KMT2E: variants seen among roughly 807,000 people sequenced by gnomAD.
KMT2E encodes the protein histone reader KMT2E.
KMT2E carries 30 observed loss-of-function variants against 184.6 expected under a neutral mutation model. The ratio of observed to expected loss-of-function variants is 0.16; its 90% CI spans 0.12 to 0.22. The LOEUF is 0.22. Ranked by LOEUF, KMT2E falls within the 10% of genes least tolerant of loss-of-function variation. The pLI, the probability that KMT2E is intolerant of heterozygous loss-of-function variation, is 1.00. For missense variants in KMT2E, 2,023 were observed against 2,237.4 expected (o/e 0.90, Z 1.93); for synonymous variants, 815 against 776.5 (o/e 1.05, Z -0.82).
Position 105,112,492 on chromosome 7 carries a change from A to T in KMT2E, c.4736A>T (p.Gln1579Leu). Residue 1579 changes from glutamine (Q) to leucine (L), a missense_variant, in exon 27 of 27, where the codon CAA (glutamine) becomes CTA (leucine). Gln to Leu is a moderately radical substitution (Grantham distance 113, BLOSUM62 -2). Coordinates refer to ENST00000311117, the MANE Select transcript of KMT2E (RefSeq NM_182931.3). The part of the protein sequence containing the change: ...YNQLKGSLSQ[Q>L]TVFTSGPNQA... ...CAGCTCAAAGGTAGTCTTTCTCAAC[A>T]AACTGTGTTTACATCAGGACCAAAT... 2 of 1,614,022 alleles carry T rather than the reference A, an allele frequency of 1.2e-6. No individual in the cohort carries two copies. The highest frequency in any genetic ancestry group is 1.7e-6 in the Non-Finnish European group (2 of 1,179,992).
At chr7:105,029,057 G>T (rs1272198543) in intron 1 of KMT2E, among the ~76,000 whole-genome samples, 1 of 152,034 alleles carries the variant, frequency 6.6e-6, no homozygotes, top group African/African-American at 2.4e-5. Flanking sequence ...TTGAAGTCAG[G>T]AGTTCGAGAC....
At chr7:105,077,546 G>T (rs1797582860) in intron 11 of KMT2E, 113 bp downstream of exon 11, 2 of 789,830 alleles carry the variant, frequency 2.5e-6, no homozygotes, top group Admixed American at 5.2e-5. Context: ...GATCATTTCA[G>T]TATTTAAAGC....
At position 105,077,017 on chromosome 7, in the gene KMT2E, A is replaced by T; in HGVS notation, c.823A>T (p.Thr275Ser). 6.2e-7 allele frequency: 1 copy of T among 1,613,980 alleles called. No homozygotes were observed. The highest frequency in any genetic ancestry group is 8.5e-7 in the Non-Finnish European group (1 of 1,179,986). Residue 275 changes from threonine to serine, a missense_variant, in exon 10 of 27, where the codon ACA (threonine) becomes TCA (serine). Thr to Ser is a moderately conservative substitution (Grantham distance 58). Around this residue, in one of 8 missense-constraint regions of KMT2E, gnomAD observed 191 missense variants for 209.0 expected, o/e 0.91. Transcript: ENST00000311117. ...TGATGGTTCAAATTTTGGATGGGAGACAAAGATCAAAGCATGGATGGATCG... is the reference window on the plus strand; with the variant it reads ...TGATGGTTCAAATTTTGGATGGGAGTCAAAGATCAAAGCATGGATGGATCG... ...SSDGSNFGWE[T>S]KIKAWMDRYE... is the part of the protein sequence containing the mutation.
At position 105,100,264 on chromosome 7, in the gene KMT2E, TAAC is replaced by T. The variant is rs896992999; in HGVS notation, c.1723-1149_1723-1147del. Among the ~76,000 whole-genome samples the T allele has an allele frequency of 1.1e-4, 16 of 152,150 alleles. No individual in the cohort carries two copies. In the South Asian group the frequency reaches 1.2e-3, roughly 12 times the overall value. On this transcript the variant is annotated intron_variant, in intron 15 of 26. Transcript: ENST00000311117. ...TAGTATTTTGTTCCCTTGCTGAGTGTAACAACAACAACAAAAATACAGGAACAG... is the reference window on the plus strand; with the variant it reads ...TAGTATTTTGTTCCCTTGCTGAGTGTAACAACAACAAAAATACAGGAACAG...
intron 1 of KMT2E, among the ~76,000 whole-genome samples, chr7:105,036,924 A>G (rs740300): frequency 0.26 from 39,560 of 152,110 alleles, 7,310 homozygotes; most frequent in East Asian, 0.58. Flanking sequence ...CAGTGAAATG[A>G]CTTGCCCAAG....
chr7:105,054,771 T>A (rs946568176), intron 3 of KMT2E, among the ~76,000 whole-genome samples: 3 of 152,146 alleles, frequency 2.0e-5, no homozygotes, highest in Admixed American at 6.5e-5. Flanking sequence ...TGCCTTGGCC[T>A]CCCAAAGTGC....
chr7:105,015,832 T>A (rs1794695309), intron 1 of KMT2E, among the ~76,000 whole-genome samples: 1 of 152,154 alleles, frequency 6.6e-6, no homozygotes, highest in Admixed American at 6.5e-5. Flanking sequence ...GTGTTGATTT[T>A]TTACTGCAAA....
chr7:105,042,238 A>G (rs984297504), intron 3 of KMT2E, among the ~76,000 whole-genome samples: 1 of 151,776 alleles, frequency 6.6e-6, no homozygotes, highest in Admixed American at 6.6e-5. Context: ...CGATCTGCCC[A>G]CCTTGGCCCC....
At chr7:105,046,207 G>A (rs183313963) in intron 3 of KMT2E, among the ~76,000 whole-genome samples, 7 of 151,988 alleles carry the variant, frequency 4.6e-5, no homozygotes, top group South Asian at 2.1e-4. Flanking sequence ...CAAAAAAGCC[G>A]TCTTATTCAT....
intron 1 of KMT2E, among the ~76,000 whole-genome samples, chr7:105,018,299 A>G (rs576117894): frequency 1.3e-5 from 2 of 152,140 alleles, no homozygotes; most frequent in Non-Finnish European, 2.9e-5. Flanking sequence ...AGCTATCAAA[A>G]CTGGTTAGGA....
Position 105,112,727 on chromosome 7 carries a change from G to A in KMT2E, c.4971G>A (p.Gly1657=), listed in dbSNP as rs775333891. The stretch of plus-strand genomic sequence containing the variant: ...AACACTCTGTAGCACATGTAGTAGG[G>A]CCTGTTCATGCGGTCACCCCTGGGT... ...HQQHSVAHVV[G]PVHAVTPGSH... The change falls in exon 27 of 27, where the codon GGG becomes GGA. Residue 1657 remains glycine (G), a synonymous_variant. Transcript: ENST00000311117. 2.9e-5 allele frequency: 47 copies of A among 1,613,518 alleles called. No individual in the cohort carries two copies. Among genetic ancestry groups the A allele is most frequent in the East Asian group, 4.5e-5 (2 of 44,834 alleles).
chr7:105,043,335 C>A (rs1037627037), intron 3 of KMT2E, among the ~76,000 whole-genome samples: 5 of 149,590 alleles, frequency 3.3e-5, no homozygotes, highest in Admixed American at 1.3e-4. Context: ...CTCCCGGGTT[C>A]ATGCCATTCT....
intron 15 of KMT2E, among the ~76,000 whole-genome samples, chr7:105,099,441 C>T (rs562678143): frequency 1.3e-5 from 2 of 152,248 alleles, no homozygotes; most frequent in East Asian, 3.9e-4. Flanking sequence ...GATTATGAAC[C>T]ATCTCTAAAT....
intron 17 of KMT2E, chr7:105,103,000 AG>A (rs1798721584): frequency 6.6e-6 from 1 of 152,240 alleles, no homozygotes; most frequent in Admixed American, 6.5e-5. Context: ...CCAAAGTCGC[AG>A]GTTTCATTAG....
chr7:105,075,968 T>G, intron 8 of KMT2E, 75 bp from the exon 9 acceptor site: 1 of 1,190,330 alleles, frequency 8.4e-7, no homozygotes, highest in Admixed American at 2.0e-5. Context: ...AAAGTTTCAA[T>G]GAACCAATTA....
intron 23 of KMT2E, 134 bp from the exon 24 acceptor site, chr7:105,110,146 T>TACTTTGG (rs1164076575): frequency 9.5e-6 from 7 of 733,550 alleles, no homozygotes; most frequent in Non-Finnish European, 1.4e-5. Flanking sequence ...ATTAACTATT[T>TACTTTGG]TCAAAGGTTA....
chr7:105,104,861 C>T (rs774964189), intron 17 of KMT2E: 11 of 152,032 alleles, frequency 7.2e-5, no homozygotes, highest in Non-Finnish European at 1.6e-4. Context: ...TGACGTGTCT[C>T]TAGTTGTAAC....
rs558346732 is a variant in KMT2E, at chr7:105,102,279, G to A, written c.2196+85G>A. The A allele has an allele frequency of 5.9e-6, 7 of 1,178,042 alleles. No individual in the cohort carries two copies. In the South Asian group the frequency reaches 1.1e-4, roughly 19 times the overall value. 73.0% of individuals were successfully genotyped at this position (1,178,042 alleles called of 1,614,324 possible). On this transcript the variant is annotated intron_variant, in intron 17 of 26. Transcript: ENST00000311117. ...GTTGTTTTAAAAATTGGATTTTTAAGACCTCATAATAATAAGAGGCAGTTT... is the reference window on the plus strand; with the variant it reads ...GTTGTTTTAAAAATTGGATTTTTAAAACCTCATAATAATAAGAGGCAGTTT...
chr7:105,033,352 A>ATATGGTTG, intron 1 of KMT2E, among the ~76,000 whole-genome samples: 1 of 152,368 alleles, frequency 6.6e-6, no homozygotes, highest in Non-Finnish European at 1.5e-5. Flanking sequence ...ATAGAGTTGC[A>ATATGGTTG]TATGGTTGTA....
Sources: allele counts gnomAD v4.1 joint callset (sites outside exome capture counted in the v4.1 genomes callset), GRCh38; gene constraint gnomAD v4.1.1; regional missense constraint gnomAD v4.1.1; transcripts MANE v1.5; gene names NCBI Gene and HGNC (gene_info 2026-07-23, HGNC 2026-07-21).